Variants in GRM1 observed in about 807,000 individuals in gnomAD.
GRM1 encodes glutamate metabotropic receptor 1.
GRM1 carries 33 observed loss-of-function variants against 90.9 expected under a neutral mutation model. That is an observed-to-expected ratio of 0.36 (90% CI 0.28 to 0.49). The LOEUF (loss-of-function observed/expected upper bound fraction) is 0.49. Among genes scored for constraint, GRM1 ranks in the 20% least tolerant of loss-of-function variants. GRM1 has a pLI of 0.99. For missense variants in GRM1, 1,190 were observed against 1,534.3 expected (o/e 0.78, Z 3.75); for synonymous variants, 700 against 613.2 (o/e 1.14, Z -2.09).
At chr6:146,310,587 C>T (rs1022508740) in intron 3 of GRM1, among the ~76,000 whole-genome samples, 11 of 152,150 alleles carry the variant, frequency 7.2e-5, no homozygotes, top group African/African-American at 1.9e-4. Context: ...CATCTCTCCT[C>T]GAGAGGTAGA....
chr6:146,307,231 G>C (rs1448598615), intron 3 of GRM1, among the ~76,000 whole-genome samples: 3 of 152,126 alleles, frequency 2.0e-5, no homozygotes, highest in Non-Finnish European at 4.4e-5. Context: ...GAATCTCAAA[G>C]CTGTGTTTAA....
intron 3 of GRM1, among the ~76,000 whole-genome samples, chr6:146,345,210 T>C (rs1027958263): frequency 3.9e-5 from 6 of 152,262 alleles, no homozygotes; most frequent in Non-Finnish European, 5.9e-5. Context: ...ATGGCAGGCT[T>C]CTGTTCCTTG....
chr6:146,044,004 C>T (rs1209438862), intron 1 of GRM1, among the ~76,000 whole-genome samples: 4 of 151,650 alleles, frequency 2.6e-5, no homozygotes, highest in Non-Finnish European at 4.4e-5. Flanking sequence ...GATCACATAA[C>T]AGAAGAGAAT....
At chr6:146,183,219 A>G (rs146604431) in intron 2 of GRM1, among the ~76,000 whole-genome samples, 3 of 152,350 alleles carry the variant, frequency 2.0e-5, no homozygotes, top group African/African-American at 4.8e-5. Context: ...AAAGAAGGAC[A>G]TGAAAGTTCT....
At chr6:146,112,868 A>G (rs1334698844) in intron 1 of GRM1, among the ~76,000 whole-genome samples, 1 of 152,268 alleles carries the variant, frequency 6.6e-6, no homozygotes, top group East Asian at 1.9e-4. Context: ...TAATAGGTGC[A>G]CTAGCTTGAG....
intron 3 of GRM1, among the ~76,000 whole-genome samples, chr6:146,328,797 TCAGG>T (rs1417424289): frequency 6.6e-6 from 1 of 152,202 alleles, no homozygotes; most frequent in Non-Finnish European, 1.5e-5. Context: ...GATACTCATC[TCAGG>T]GGAAATTTTT....
chr6:146,312,722 G>A (rs909450107), intron 3 of GRM1, among the ~76,000 whole-genome samples: 2 of 152,142 alleles, frequency 1.3e-5, no homozygotes, highest in African/African-American at 4.8e-5. Flanking sequence ...TGTTTCTGTA[G>A]TATTTGGATA....
intron 2 of GRM1, among the ~76,000 whole-genome samples, chr6:146,221,049 G>A (rs1018191262): frequency 1.2e-4 from 18 of 152,020 alleles, no homozygotes; most frequent in Non-Finnish European, 1.6e-4. Flanking sequence ...TGGTTGTGTC[G>A]TAAAAGCAAT....
chr6:146,131,405 A>T (rs1033906081), intron 1 of GRM1, among the ~76,000 whole-genome samples: 1 of 151,960 alleles, frequency 6.6e-6, no homozygotes, highest in African/African-American at 2.4e-5. Context: ...TCTTGGGCAG[A>T]TTTATTTTTC....
intron 2 of GRM1, among the ~76,000 whole-genome samples, chr6:146,180,907 T>A (rs1020505973): frequency 6.6e-6 from 1 of 152,206 alleles, no homozygotes; most frequent in African/African-American, 2.4e-5. Flanking sequence ...AAAGCGGACC[T>A]TTCTGGTTAG....
At chr6:146,143,505 T>A (rs547740024) in intron 1 of GRM1, among the ~76,000 whole-genome samples, 1 of 152,190 alleles carries the variant, frequency 6.6e-6, no homozygotes, top group Non-Finnish European at 1.5e-5. Context: ...ATGAGCTTGT[T>A]CTGGAAGTGG....
rs73578830 is a variant in GRM1 at position 146,092,330 on chromosome 6, G to T, written c.700+62113G>T. ...ACTGACACTCCTACTGGGGACTAGGGTTTCAACATGATTTTTGGGAGAATA... is the reference window on the plus strand; with the variant it reads ...ACTGACACTCCTACTGGGGACTAGGTTTTCAACATGATTTTTGGGAGAATA... On this transcript the variant is annotated intron_variant, in intron 1 of 7. Transcript: ENST00000282753. Among the ~76,000 whole-genome samples the T allele has an allele frequency of 3.7e-3, 556 of 152,130 alleles. 2 individuals carry two copies. Among genetic ancestry groups the T allele is most frequent in the African/African-American group, 0.012 (518 of 41,516 alleles).
At chr6:146,330,623 A>G (rs1318031021) in intron 3 of GRM1, among the ~76,000 whole-genome samples, 1 of 152,124 alleles carries the variant, frequency 6.6e-6, no homozygotes, top group Non-Finnish European at 1.5e-5. Context: ...AATTCTGGCA[A>G]GTCTAAAAAA....
At chr6:146,122,835 C>CTTTTTTTTTTTTTTTTTTTTTTTTTT in intron 1 of GRM1, among the ~76,000 whole-genome samples, 1 of 101,768 alleles carries the variant, frequency 9.8e-6, no homozygotes, top group Non-Finnish European at 2.1e-5. Context: ...CTTTTCTTTT[C>CTTTTTTTTTTTTTTTTTTTTTTTTTT]TTTCTTTTTT....
chr6:146,414,438 C>G (rs1404367055), intron 7 of GRM1, among the ~76,000 whole-genome samples: 2 of 148,830 alleles, frequency 1.3e-5, no homozygotes, highest in Non-Finnish European at 3.0e-5. Context: ...GAGTCTCACA[C>G]TGTCGTCCAC....
intron 1 of GRM1, among the ~76,000 whole-genome samples, chr6:146,060,015 A>G (rs1418933544): frequency 6.6e-6 from 1 of 152,062 alleles, no homozygotes; most frequent in Non-Finnish European, 1.5e-5. Context: ...CTTTCTTATC[A>G]TTTGTGTATT....
chr6:146,071,227 A>T (rs1200201508), intron 1 of GRM1, among the ~76,000 whole-genome samples: 2 of 152,192 alleles, frequency 1.3e-5, no homozygotes, highest in Non-Finnish European at 2.9e-5. Flanking sequence ...ACCTTCTAAG[A>T]TACTTTCTGT....
intron 2 of GRM1, among the ~76,000 whole-genome samples, chr6:146,288,990 G>A (rs936826034): frequency 6.6e-6 from 1 of 152,100 alleles, no homozygotes; most frequent in Admixed American, 6.6e-5. Context: ...TTGTATAAAA[G>A]TGTAACACTT....
intron 1 of GRM1, among the ~76,000 whole-genome samples, chr6:146,092,355 A>G (rs747342241): frequency 2.0e-5 from 3 of 152,114 alleles, no homozygotes; most frequent in Non-Finnish European, 2.9e-5. Context: ...TTGGGAGAAT[A>G]CAAACATACA....
Sources: allele counts gnomAD v4.1 joint callset (sites outside exome capture counted in the v4.1 genomes callset), GRCh38; gene constraint gnomAD v4.1.1; transcripts MANE v1.5; gene names NCBI Gene and HGNC (gene_info 2026-07-23, HGNC 2026-07-21).